Variants in KLHL7 observed in about 807,000 individuals in gnomAD.
KLHL7 encodes kelch-like protein 7.
A neutral mutation model predicts 67.4 loss-of-function variants in KLHL7; 44 were observed. The ratio of observed to expected loss-of-function variants is 0.65; its 90% CI spans 0.51 to 0.84. The LOEUF (loss-of-function observed/expected upper bound fraction) is 0.84, where lower values mean the gene tolerates loss of function less well. Ranked by LOEUF, KLHL7 falls within the 40% of genes least tolerant of loss-of-function variation. The pLI is 0.00. For synonymous variants in KLHL7, 252 were observed against 243.3 expected, an observed-to-expected ratio of 1.04 and a Z score of -0.33; for missense variants, 362 against 718.1, an observed-to-expected ratio of 0.50 and a Z score of 5.67.
At chr7:23,149,282 C>A (rs1784457764) in intron 6 of KLHL7, among the ~76,000 whole-genome samples, 1 of 152,108 alleles carries the variant, frequency 6.6e-6, no homozygotes, top group Non-Finnish European at 1.5e-5. Context: ...AAGTGTCCCC[C>A]AGCCCTATTC....
At chr7:23,142,992 A>G (rs753345069) in intron 5 of KLHL7, among the ~76,000 whole-genome samples, 1 of 152,218 alleles carries the variant, frequency 6.6e-6, no homozygotes, top group Non-Finnish European at 1.5e-5. Flanking sequence ...GGGGCAGGGT[A>G]TGTGGAAACT....
intron 5 of KLHL7, among the ~76,000 whole-genome samples, chr7:23,143,433 G>A (rs1784254988): frequency 6.6e-6 from 1 of 152,070 alleles, no homozygotes. Flanking sequence ...AAAATCATGG[G>A]TGACCTTCGT....
At chr7:23,117,080 C>G (rs963936935) in intron 1 of KLHL7, among the ~76,000 whole-genome samples, 7 of 86,448 alleles carry the variant, frequency 8.1e-5, no homozygotes, top group East Asian at 5.1e-4. Context: ...TAGAGCCAGG[C>G]CTTTTTTTTT....
intron 6 of KLHL7, among the ~76,000 whole-genome samples, chr7:23,147,855 T>G (rs958910835): frequency 2.0e-5 from 3 of 152,248 alleles, no homozygotes; most frequent in Admixed American, 6.5e-5. Context: ...AGGGAGACTT[T>G]ACCTCTACCT....
chr7:23,125,274 T>A, intron 4 of KLHL7, 102 bp downstream of exon 4: 1 of 1,229,542 alleles, frequency 8.1e-7, no homozygotes, highest in Non-Finnish European at 1.2e-6. Flanking sequence ...CATTTAACCT[T>A]AAAGACATTG....
intron 4 of KLHL7, among the ~76,000 whole-genome samples, chr7:23,128,422 TAAAAAAAAAAA>T (rs201757686): frequency 0.085 from 9,934 of 116,922 alleles, 551 homozygotes; most frequent in Non-Finnish European, 0.12. Context: ...TCTTTGGGTT[TAAAAAAAAAAA>T]AAAAAAAAAA....
At chr7:23,114,617 G>C (rs1334202543) in intron 1 of KLHL7, among the ~76,000 whole-genome samples, 1 of 152,112 alleles carries the variant, frequency 6.6e-6, no homozygotes, top group Non-Finnish European at 1.5e-5. Flanking sequence ...GGAATGCTTT[G>C]TTCTATCTTA....
At chr7:23,115,800 C>A (rs1231765972) in intron 1 of KLHL7, among the ~76,000 whole-genome samples, 3 of 152,122 alleles carry the variant, frequency 2.0e-5, no homozygotes, top group Non-Finnish European at 4.4e-5. Context: ...GCCTCAGCCT[C>A]CCAAAGTGCT....
chr7:23,165,190 C>T (rs1784965480), intron 7 of KLHL7, among the ~76,000 whole-genome samples: 1 of 152,142 alleles, frequency 6.6e-6, no homozygotes, highest in African/African-American at 2.4e-5. Flanking sequence ...ATTGGCTCAA[C>T]TCAATATAGA....
rs772169109 is a variant in KLHL7 at position 23,106,352 on chromosome 7, C to G, written c.120+206C>G. On this transcript the variant is annotated intron_variant, in intron 1 of 10. Coordinates refer to ENST00000339077, the MANE Select transcript of KLHL7 (RefSeq NM_001031710.3). ...TCGAGCAAAAGTGCTTCTCGTCTGC[C>G]GAGGATGTAGCTCCCAAGTCAGACT... The G allele has an allele frequency of 2.0e-4, 289 of 1,412,186 alleles. 1 individual carries two copies. Among genetic ancestry groups the G allele is most frequent in the Non-Finnish European group, 2.5e-4 (270 of 1,081,418 alleles). 87.5% of individuals were successfully genotyped at this position (1,412,186 alleles called of 1,614,324 possible).
intron 5 of KLHL7, among the ~76,000 whole-genome samples, chr7:23,143,428 C>G (rs932719781): frequency 6.6e-6 from 1 of 152,122 alleles, no homozygotes; most frequent in African/African-American, 2.4e-5. Context: ...GAAATAAAAT[C>G]ATGGGTGACC....
chr7:23,108,277 G>A (rs1782726793), intron 1 of KLHL7, among the ~76,000 whole-genome samples: 2 of 152,096 alleles, frequency 1.3e-5, no homozygotes, highest in Non-Finnish European at 2.9e-5. Context: ...CATGATTTGG[G>A]TCATTCCATC....
At position 23,143,974 on chromosome 7, in the gene KLHL7, C is replaced by T; in HGVS notation, c.742C>T (p.Gln248Ter). ...ISKNFLSKTV[Q>*]AEPLIQDNPE... ...AAAGAATTTCTTAAGTAAAACGGTA[C>T]AAGCTGAACCACTTATTCAAGACAA... The change falls in exon 6 of 11, where the codon CAA (glutamine) becomes TAA (stop). Residue 248 changes from glutamine (Q) to a stop codon, truncating the protein, a stop_gained. Transcript: ENST00000339077. LOFTEE classifies it high-confidence loss of function. 1 of 1,613,976 alleles carries T rather than the reference C, an allele frequency of 6.2e-7. No individual in the cohort carries two copies. Among genetic ancestry groups the T allele is most frequent in the Non-Finnish European group, 8.5e-7 (1 of 1,179,900 alleles).
At chr7:23,126,149 CAGGA>C (rs1783565535) in intron 4 of KLHL7, 1 of 411,834 alleles carries the variant, frequency 2.4e-6, no homozygotes, top group African/African-American at 2.0e-5. Flanking sequence ...ACTTCATAAC[CAGGA>C]TGGTTTCTTA....
Position 23,156,984 on chromosome 7 carries a change from ATATTAAAG to A in KLHL7, c.936+4776_936+4783del, listed in dbSNP as rs533078095. 3.3e-4 allele frequency among the ~76,000 whole-genome samples: 50 copies of A among 152,352 alleles called. No homozygotes were observed. The East Asian group carries it at 8.9e-3, about 27-fold the overall frequency. On this transcript the variant is annotated intron_variant, in intron 7 of 10. Transcript: ENST00000339077. ...CACATTTTCCTGTCAGAAATATTTT[ATATTAAAG>A]ATATTGCAGTGCCTGTATCATAGCC...
rs368264102 is a variant in KLHL7, at chr7:23,117,989, T to C, written c.121-5788T>C. 5.6e-6 allele frequency: 9 copies of C among 1,613,602 alleles called. No individual in the cohort carries two copies. The African/African-American group carries it at 1.2e-4, about 21-fold the overall frequency. ...GGTTAGTCATTCCTCAGTCTTCTCT[T>C]TGGGATATAACAAAGAATAGAACGT... is the stretch of plus-strand genomic sequence containing the variant. On this transcript the variant is annotated intron_variant, in intron 1 of 10. Coordinates refer to ENST00000339077, the MANE Select transcript of KLHL7 (RefSeq NM_001031710.3).
Position 23,174,208 on chromosome 7 carries a change from C to T in KLHL7, c.1671C>T (p.Ala557=). Residue 557 remains alanine, a synonymous_variant, in exon 11 of 11, where the codon GCC becomes GCT. Transcript: ENST00000339077. The stretch of plus-strand genomic sequence containing the variant: ...ATACCGAAACAGACAAATGGGTTGC[C>T]AACTCCAAAGTTCGTGCTTTTCCAG... ...EYNTETDKWV[A]NSKVRAFPVT... 1 of 1,614,134 alleles carries T rather than the reference C, an allele frequency of 6.2e-7. No homozygotes were observed. The highest frequency in any genetic ancestry group is 8.5e-7 in the Non-Finnish European group (1 of 1,180,004).
chr7:23,140,947 G>T lies in KLHL7; in HGVS notation c.618+3G>T. ...TGACTGTGAGAGCAGAGGATCAGGTGACTAAATTGCCTTCTCACATTTTTC... is the reference window on the plus strand; with the variant it reads ...TGACTGTGAGAGCAGAGGATCAGGTTACTAAATTGCCTTCTCACATTTTTC... On this transcript the variant is annotated splice_donor_region_variant and intron_variant, in intron 5 of 10. Coordinates refer to ENST00000339077, the MANE Select transcript of KLHL7 (RefSeq NM_001031710.3). 6.2e-7 allele frequency: 1 copy of T among 1,612,964 alleles called. No individual in the cohort carries two copies. Among genetic ancestry groups the T allele is most frequent in the South Asian group, 1.1e-5 (1 of 91,004 alleles).
chr7:23,152,271 C>G, intron 7 of KLHL7, 62 bp downstream of exon 7: 1 of 1,466,186 alleles, frequency 6.8e-7, no homozygotes, highest in Non-Finnish European at 9.6e-7. Flanking sequence ...ACATAAGACA[C>G]TCACCAACTA....
Sources: allele counts gnomAD v4.1 joint callset (sites outside exome capture counted in the v4.1 genomes callset), GRCh38; gene constraint gnomAD v4.1.1; transcripts MANE v1.5; gene names NCBI Gene and HGNC (gene_info 2026-07-23, HGNC 2026-07-21).